ARHGEF37: variants seen among roughly 807,000 people sequenced by gnomAD.
ARHGEF37 encodes the protein Rho guanine nucleotide exchange factor (GEF) 37.
ARHGEF37 carries 55 observed loss-of-function variants against 71.1 expected under a neutral mutation model. The observed-to-expected ratio is 0.77, with a 90% CI of 0.62 to 0.97. The LOEUF (loss-of-function observed/expected upper bound fraction) is 0.97, where lower values mean the gene tolerates loss of function less well. ARHGEF37 is among the 50% of genes least tolerant of loss of function. The pLI is 0.00. For synonymous variants in ARHGEF37, 327 were observed against 350.6 expected, an observed-to-expected ratio of 0.93 and a Z score of 0.75; for missense variants, 765 against 836.8, an observed-to-expected ratio of 0.91 and a Z score of 1.06.
At chr5:149,629,911 A>T (rs1752827217) in intron 12 of ARHGEF37, among the ~76,000 whole-genome samples, 1 of 152,150 alleles carries the variant, frequency 6.6e-6, no homozygotes, top group Non-Finnish European at 1.5e-5. Context: ...AGCCTTGAAC[A>T]CATGCTGCTA....
At chr5:149,575,671 ATTTTTTTTTT>A (rs751297275) in intron 1 of ARHGEF37, among the ~76,000 whole-genome samples, 104 of 107,290 alleles carry the variant, frequency 9.7e-4, no homozygotes, top group Middle Eastern at 6.9e-3. Flanking sequence ...CCAAATGACT[ATTTTTTTTTT>A]TTTTTTTTTT....
intron 1 of ARHGEF37, among the ~76,000 whole-genome samples, chr5:149,562,480 G>A (rs1202215201): frequency 4.6e-5 from 7 of 151,780 alleles, no homozygotes; most frequent in South Asian, 4.2e-4. Context: ...ACGGAGTCTC[G>A]CTCTGTCGCC....
At chr5:149,625,376 T>G (rs1006431587) in intron 10 of ARHGEF37, among the ~76,000 whole-genome samples, 2 of 152,154 alleles carry the variant, frequency 1.3e-5, no homozygotes, top group Non-Finnish European at 2.9e-5. Context: ...AAATTGAAAC[T>G]GTCCCCTCAC....
chr5:149,611,282 T>C (rs545426475), intron 4 of ARHGEF37, among the ~76,000 whole-genome samples: 6 of 152,138 alleles, frequency 3.9e-5, no homozygotes, highest in Non-Finnish European at 8.8e-5. Context: ...CTTGTAGAGA[T>C]TGGGGGAGGA....
chr5:149,619,294 G>A (rs775915621), intron 7 of ARHGEF37, among the ~76,000 whole-genome samples: 2 of 152,180 alleles, frequency 1.3e-5, no homozygotes, highest in South Asian at 2.1e-4. Context: ...GCAGAGCCCC[G>A]CAGAGCAACT....
intron 1 of ARHGEF37, among the ~76,000 whole-genome samples, chr5:149,569,879 C>A (rs1222602241): frequency 3.3e-5 from 5 of 152,184 alleles, no homozygotes; most frequent in African/African-American, 1.2e-4. Context: ...CCTCGACCTC[C>A]CAAAGTGCTG....
At chr5:149,589,947 A>G (rs1763355027) in intron 1 of ARHGEF37, among the ~76,000 whole-genome samples, 1 of 152,076 alleles carries the variant, frequency 6.6e-6, no homozygotes, top group African/African-American at 2.4e-5. Flanking sequence ...GATTACAGGC[A>G]TGATCCACTG....
At chr5:149,623,160 G>C (rs1752591006) in intron 9 of ARHGEF37, among the ~76,000 whole-genome samples, 1 of 152,172 alleles carries the variant, frequency 6.6e-6, no homozygotes, top group Non-Finnish European at 1.5e-5. Flanking sequence ...ACAAGTGGCA[G>C]ATGAATGAGT....
chr5:149,616,485 G>T, intron 4 of ARHGEF37, 82 bp from the exon 5 acceptor site: 1 of 1,342,186 alleles, frequency 7.5e-7, no homozygotes, highest in South Asian at 1.4e-5. Flanking sequence ...TGAGCTAAAT[G>T]GTAGAGTGAG....
Position 149,581,528 on chromosome 5 carries a change from C to G in ARHGEF37, c.-108C>G, listed in dbSNP as rs941042394. ...CAGCCACCCGGAGCGGCGCGGGTGC[C>G]GGGAGCTGGGCGACGCGCCCCTCCT... On this transcript the variant is annotated 5_prime_UTR_variant, in exon 1 of 13. Coordinates refer to ENST00000333677, the MANE Select transcript of ARHGEF37 (RefSeq NM_001001669.3). The G allele has an allele frequency of 2.0e-5, 3 of 152,034 alleles. No homozygotes were observed. The highest frequency in any genetic ancestry group is 2.9e-5 in the Non-Finnish European group (2 of 67,980). 9.4% of individuals were successfully genotyped at this position (152,034 alleles called of 1,614,324 possible).
At chr5:149,591,705 T>C (rs1363482700) in intron 1 of ARHGEF37, among the ~76,000 whole-genome samples, 1 of 152,222 alleles carries the variant, frequency 6.6e-6, no homozygotes, top group Non-Finnish European at 1.5e-5. Context: ...GAAACCGTAC[T>C]TTGAGTACCC....
intron 4 of ARHGEF37, among the ~76,000 whole-genome samples, chr5:149,614,719 T>C (rs1752326603): frequency 6.6e-6 from 1 of 152,182 alleles, no homozygotes; most frequent in Non-Finnish European, 1.5e-5. Context: ...ATGACCAGCG[T>C]AGGCGTCTCC....
At chr5:149,555,862 G>A (rs547941546) in intron 1 of ARHGEF37, among the ~76,000 whole-genome samples, 2 of 152,066 alleles carry the variant, frequency 1.3e-5, no homozygotes, top group South Asian at 4.2e-4. Context: ...GATGGCTCAT[G>A]CCTATAATCC....
chr5:149,560,518 T>A (rs1762815586), intron 1 of ARHGEF37, among the ~76,000 whole-genome samples: 1 of 152,244 alleles, frequency 6.6e-6, no homozygotes, highest in Non-Finnish European at 1.5e-5. Context: ...AATGTTATCC[T>A]GACCTTAGTC....
chr5:149,631,991 G>A lies in ARHGEF37; in HGVS notation c.1828G>A (p.Ala610Thr), dbSNP rs759279132. Residue 610 changes from alanine (A) to threonine (T), a missense_variant, in exon 13 of 13, where the codon GCG becomes ACG. Physicochemically the swap from Ala to Thr is moderately conservative, Grantham distance 58. Transcript: ENST00000333677. ...SIPTMNQVIAAYPFVARSSHE... is the reference protein window; with the variant it reads ...SIPTMNQVIATYPFVARSSHE... Reference sequence around the variant, plus strand: ...TCCCCATGTGTTTCAGGTCATAGCCGCGTACCCTTTTGTGGCCAGAAGCAG... The same window carrying A: ...TCCCCATGTGTTTCAGGTCATAGCCACGTACCCTTTTGTGGCCAGAAGCAG... 5.6e-5 allele frequency: 91 copies of A among 1,614,068 alleles called. No individual in the cohort carries two copies. Among genetic ancestry groups the A allele is most frequent in the Non-Finnish European group, 6.9e-5 (81 of 1,180,030 alleles).
At chr5:149,588,604 T>C (rs1239715551) in intron 1 of ARHGEF37, among the ~76,000 whole-genome samples, 1 of 152,174 alleles carries the variant, frequency 6.6e-6, no homozygotes, top group Admixed American at 6.5e-5. Flanking sequence ...GGCCCCTTTA[T>C]TCTTCAACAG....
chr5:149,588,891 C>T (rs1193070991), intron 1 of ARHGEF37, among the ~76,000 whole-genome samples: 1 of 152,104 alleles, frequency 6.6e-6, no homozygotes, highest in Non-Finnish European at 1.5e-5. Context: ...TTTCACTTTC[C>T]CCAGGGATCA....
At position 149,609,673 on chromosome 5, in the gene ARHGEF37, C is replaced by A. The variant is rs572702175; in HGVS notation, c.436C>A (p.Gln146Lys). ...GGAGCCGGAGCTGCAGCGGCACATC[C>A]AGGGCATCGTTGAGGCGGTGGTGTG... ...RKEPELQRHIQGIVEAVVPQA... is the reference protein window; with the variant it reads ...RKEPELQRHIKGIVEAVVPQA... Residue 146 changes from glutamine to lysine, a missense_variant, in exon 4 of 13, where the codon CAG becomes AAG. Physicochemically the swap from Gln to Lys is moderately conservative, Grantham distance 53. Around this residue, in one of 5 missense-constraint regions of ARHGEF37, gnomAD observed 201 missense variants for 217.5 expected, o/e 0.92. Transcript: ENST00000333677. 4.3e-6 allele frequency: 7 copies of A among 1,612,490 alleles called. No homozygotes were observed. Among genetic ancestry groups the A allele is most frequent in the Admixed American group, 3.3e-5 (2 of 60,028 alleles).
chr5:149,610,207 A>T (rs1764037682), intron 4 of ARHGEF37, among the ~76,000 whole-genome samples: 1 of 152,204 alleles, frequency 6.6e-6, no homozygotes, highest in Non-Finnish European at 1.5e-5. Flanking sequence ...GCTCATGAGA[A>T]GCACAGGAAA....
Sources: allele counts gnomAD v4.1 joint callset (sites outside exome capture counted in the v4.1 genomes callset), GRCh38; gene constraint gnomAD v4.1.1; regional missense constraint gnomAD v4.1.1; transcripts MANE v1.5; gene names NCBI Gene and HGNC (gene_info 2026-07-23, HGNC 2026-07-21).